Variants in PBX3 observed in about 807,000 individuals in gnomAD.
The protein encoded by PBX3 is pre-B-cell leukemia transcription factor 3.
A neutral mutation model predicts 48.5 loss-of-function variants in PBX3; 14 were observed. That is an observed-to-expected ratio of 0.29 (90% CI 0.19 to 0.45). PBX3 has a LOEUF of 0.45. Ranked by LOEUF, PBX3 falls within the 20% of genes least tolerant of loss-of-function variation. PBX3 has a pLI of 1.00. For synonymous variants in PBX3, 210 were observed against 200.3 expected (o/e 1.05, Z -0.41); for missense variants, 386 against 546.7 (o/e 0.71, Z 2.93).
At chr9:125,755,149 TCA>T (rs1323063482) in intron 2 of PBX3, among the ~76,000 whole-genome samples, 1 of 152,104 alleles carries the variant, frequency 6.6e-6, no homozygotes, top group Non-Finnish European at 1.5e-5. Flanking sequence ...TTCTTAGGCT[TCA>T]GAGTCCAGCA....
At chr9:125,779,887 G>T (rs1396759044) in intron 2 of PBX3, among the ~76,000 whole-genome samples, 5 of 124,634 alleles carry the variant, frequency 4.0e-5, no homozygotes, top group East Asian at 5.6e-4. Context: ...CCGGGCGGGG[G>T]GCTGACCCCC....
At position 125,966,912 on chromosome 9, in the gene PBX3, C is replaced by T. The variant is rs1208480926; in HGVS notation, c.*989C>T. On this transcript the variant is annotated 3_prime_UTR_variant, in exon 9 of 9. Transcript: ENST00000373489. ...CATCTTGTAATTAACTCTTTGTTTC[C>T]CTTCATAAAATGTAATGTACATTGT... is the stretch of plus-strand genomic sequence containing the variant. 6.6e-6 allele frequency: 1 copy of T among 152,290 alleles called. No homozygotes were observed. The highest frequency in any genetic ancestry group is 2.4e-5 in the African/African-American group (1 of 41,346). The allele number at this position is 152,290 out of a possible 1,614,324, so 9.4% of individuals were successfully genotyped here.
intron 2 of PBX3, among the ~76,000 whole-genome samples, chr9:125,872,674 C>T (rs754410357): frequency 1.7e-4 from 26 of 151,384 alleles, no homozygotes; most frequent in Non-Finnish European, 3.1e-4. Flanking sequence ...GCAGGAGGAT[C>T]GCTTGAGCCC....
chr9:125,867,833 T>C (rs1339872576), intron 2 of PBX3, among the ~76,000 whole-genome samples: 1 of 151,762 alleles, frequency 6.6e-6, no homozygotes, highest in Non-Finnish European at 1.5e-5. Context: ...TACATATATA[T>C]ATACACACAC....
intron 1 of PBX3, chr9:125,748,210 A>T (rs1588111573): frequency 7.9e-6 from 8 of 1,008,638 alleles, no homozygotes; most frequent in Non-Finnish European, 9.5e-6. Flanking sequence ...TCTGCACAGG[A>T]GCGGACGCGG....
intron 5 of PBX3, among the ~76,000 whole-genome samples, chr9:125,937,352 G>GT (rs900887210): frequency 1.9e-4 from 29 of 151,360 alleles, no homozygotes; most frequent in East Asian, 5.8e-4. Flanking sequence ...TTACCAGTGT[G>GT]TTTTTTTTAA....
intron 2 of PBX3, among the ~76,000 whole-genome samples, chr9:125,783,475 A>G (rs939436703): frequency 1.3e-5 from 2 of 151,846 alleles, no homozygotes; most frequent in African/African-American, 2.4e-5. Flanking sequence ...TTTAGTAGAG[A>G]TGGGGTTTCA....
Position 125,815,596 on chromosome 9 carries a change from CTTCTT to C in PBX3, c.274+66975_274+66979del, listed in dbSNP as rs538305654. Reference sequence around the variant, plus strand: ...TGAAACAGGAGGAAATTAGTACTCCCTTCTTTAACTGTTGTACTTTTGATATTACC... The same window carrying C: ...TGAAACAGGAGGAAATTAGTACTCCCTAACTGTTGTACTTTTGATATTACC... On this transcript the variant is annotated intron_variant, in intron 2 of 8. Coordinates refer to ENST00000373489, the MANE Select transcript of PBX3 (RefSeq NM_006195.6). 2.0e-5 allele frequency among the ~76,000 whole-genome samples: 3 copies of C among 152,174 alleles called. No individual in the cohort carries two copies. In the South Asian group the frequency reaches 6.2e-4, roughly 32 times the overall value.
intron 2 of PBX3, among the ~76,000 whole-genome samples, chr9:125,856,512 A>G (rs1839727160): frequency 6.6e-6 from 1 of 152,148 alleles, no homozygotes; most frequent in Non-Finnish European, 1.5e-5. Context: ...ATGAGGGCTA[A>G]CGGAGCGGCG....
chr9:125,882,973 TTAAC>T (rs1253134837), intron 2 of PBX3, among the ~76,000 whole-genome samples: 1 of 152,240 alleles, frequency 6.6e-6, no homozygotes, highest in Non-Finnish European at 1.5e-5. Flanking sequence ...ACATAAATGT[TTAAC>T]TGAAGACACA....
intron 2 of PBX3, among the ~76,000 whole-genome samples, chr9:125,806,087 T>C (rs1056143727): frequency 1.2e-4 from 18 of 152,198 alleles, no homozygotes; most frequent in African/African-American, 4.3e-4. Context: ...GTTGAAATTT[T>C]AAAATGTTTA....
chr9:125,820,892 T>C (rs1838631130), intron 2 of PBX3, among the ~76,000 whole-genome samples: 1 of 152,232 alleles, frequency 6.6e-6, no homozygotes, highest in African/African-American at 2.4e-5. Context: ...AATTAATGTT[T>C]TGTTCAGTCT....
chr9:125,757,502 T>C (rs1429438752), intron 2 of PBX3, among the ~76,000 whole-genome samples: 1 of 152,198 alleles, frequency 6.6e-6, no homozygotes, highest in Non-Finnish European at 1.5e-5. Context: ...ATTGGGACTG[T>C]TGGTCCATTA....
intron 5 of PBX3, among the ~76,000 whole-genome samples, chr9:125,957,403 G>A (rs1035168344): frequency 1.3e-5 from 2 of 152,172 alleles, no homozygotes; most frequent in African/African-American, 4.8e-5. Context: ...GAATAAAAAC[G>A]ATCTGATGTC....
intron 2 of PBX3, among the ~76,000 whole-genome samples, chr9:125,892,947 C>G (rs1453063385): frequency 6.6e-6 from 1 of 152,144 alleles, no homozygotes; most frequent in African/African-American, 2.4e-5. Context: ...CTGTGGCTCC[C>G]CCTGATTTAC....
At chr9:125,856,067 T>A (rs200114997) in intron 2 of PBX3, among the ~76,000 whole-genome samples, 1 of 146,208 alleles carries the variant, frequency 6.8e-6, no homozygotes, top group Non-Finnish European at 1.5e-5. Context: ...TGGAAAAAAA[T>A]AACTATAAAA....
chr9:125,832,353 G>T (rs895127317), intron 2 of PBX3, among the ~76,000 whole-genome samples: 5 of 151,834 alleles, frequency 3.3e-5, no homozygotes, highest in African/African-American at 1.2e-4. Flanking sequence ...CCGCCACCAC[G>T]CCTGTCTAAT....
chr9:125,906,662 G>A (rs1841079452), intron 2 of PBX3, among the ~76,000 whole-genome samples: 1 of 151,956 alleles, frequency 6.6e-6, no homozygotes, highest in South Asian at 2.1e-4. Flanking sequence ...GTGGGGTCTA[G>A]TATTTTCATT....
At chr9:125,816,010 CTTT>C (rs1564670673) in intron 2 of PBX3, among the ~76,000 whole-genome samples, 2 of 151,994 alleles carry the variant, frequency 1.3e-5, no homozygotes. Context: ...CTCTCTCTCT[CTTT>C]TTGTTTTTTG....
Sources: gnomAD v4.1 joint callset for allele counts (sites outside exome capture counted in the v4.1 genomes callset) on GRCh38, gnomAD v4.1.1 for gene constraint, MANE v1.5 for transcripts, NCBI Gene and HGNC (gene_info 2026-07-23, HGNC 2026-07-21) for gene names.